The following CNTNAP2 variants were observed in gnomAD, a reference collection of about 807,000 sequenced individuals.
CNTNAP2 encodes contactin associated protein 2.
In CNTNAP2, 98 loss-of-function variants were observed where a neutral mutation model predicts 155.2. That is an observed-to-expected ratio of 0.63 (90% CI 0.54 to 0.75). CNTNAP2 has a LOEUF of 0.75. Ranked by LOEUF, CNTNAP2 falls within the 30% of genes least tolerant of loss-of-function variation. The pLI is 0.00. For missense variants in CNTNAP2, 1,727 were observed against 1,688.1 expected (o/e 1.02, Z -0.40); for synonymous variants, 651 against 631.2 (o/e 1.03, Z -0.47).
chr7:148,310,539 G>A (rs1021605684), intron 21 of CNTNAP2, among the ~76,000 whole-genome samples: 1 of 152,128 alleles, frequency 6.6e-6, no homozygotes, highest in Non-Finnish European at 1.5e-5. Flanking sequence ...GTCCTAAACC[G>A]ACAAGCAAGG....
At chr7:146,965,740 G>A (rs1797644978) in intron 3 of CNTNAP2, among the ~76,000 whole-genome samples, 1 of 152,166 alleles carries the variant, frequency 6.6e-6, no homozygotes, top group South Asian at 2.1e-4. Flanking sequence ...AAACCGTTAT[G>A]TAGTGCTTGA....
At chr7:147,018,523 T>C (rs1252584301) in intron 3 of CNTNAP2, among the ~76,000 whole-genome samples, 3 of 152,102 alleles carry the variant, frequency 2.0e-5, no homozygotes, top group Admixed American at 6.6e-5. Context: ...AAAGAATGAA[T>C]AGGTGAAAAT....
intron 19 of CNTNAP2, among the ~76,000 whole-genome samples, chr7:148,228,038 T>C (rs1169412315): frequency 6.6e-6 from 1 of 152,074 alleles, no homozygotes; most frequent in African/African-American, 2.4e-5. Context: ...ACTTTCTATG[T>C]TTTAATTAGC....
intron 1 of CNTNAP2, among the ~76,000 whole-genome samples, chr7:146,611,354 G>A (rs1393505725): frequency 3.3e-5 from 5 of 152,170 alleles, no homozygotes; most frequent in Non-Finnish European, 7.3e-5. Context: ...GCTTCCCAAA[G>A]TGCTGGGATT....
intron 3 of CNTNAP2, among the ~76,000 whole-genome samples, chr7:146,970,231 G>A (rs908080785): frequency 9.9e-5 from 15 of 152,224 alleles, no homozygotes; most frequent in Admixed American, 2.6e-4. Flanking sequence ...AAACCAAAGA[G>A]CTTCTGCACA....
intron 1 of CNTNAP2, among the ~76,000 whole-genome samples, chr7:146,313,172 C>A (rs1800854512): frequency 6.6e-6 from 1 of 152,220 alleles, no homozygotes; most frequent in African/African-American, 2.4e-5. Flanking sequence ...ACTTTCCCAT[C>A]AACAATGTAC....
chr7:148,149,478 G>A (rs1805257404), intron 17 of CNTNAP2, among the ~76,000 whole-genome samples: 1 of 152,148 alleles, frequency 6.6e-6, no homozygotes, highest in Non-Finnish European at 1.5e-5. Flanking sequence ...CACAAGAGGA[G>A]GAGGATTTGA....
intron 7 of CNTNAP2, among the ~76,000 whole-genome samples, chr7:147,129,896 A>C (rs1245527157): frequency 6.6e-6 from 1 of 152,164 alleles, no homozygotes; most frequent in Non-Finnish European, 1.5e-5. Context: ...ACTTTGGTTA[A>C]ATTTTCTCAT....
At chr7:146,229,696 T>A (rs974488344) in intron 1 of CNTNAP2, among the ~76,000 whole-genome samples, 1 of 149,080 alleles carries the variant, frequency 6.7e-6, no homozygotes, top group Non-Finnish European at 1.5e-5. Flanking sequence ...CTGCTCCAGT[T>A]TATTTTTCAG....
intron 3 of CNTNAP2, among the ~76,000 whole-genome samples, chr7:146,992,100 T>C (rs1798218993): frequency 6.6e-6 from 1 of 152,176 alleles, no homozygotes; most frequent in South Asian, 2.1e-4. Context: ...ATCAATATTA[T>C]GGAATGACTG....
chr7:146,462,842 T>C (rs1179169769), intron 1 of CNTNAP2, among the ~76,000 whole-genome samples: 1 of 152,186 alleles, frequency 6.6e-6, no homozygotes, highest in East Asian at 1.9e-4. Flanking sequence ...AGTTTGGGCG[T>C]CTCTCTCATC....
chr7:147,673,225 C>A (rs1215517221), intron 13 of CNTNAP2: 1 of 152,072 alleles, frequency 6.6e-6, no homozygotes. Flanking sequence ...GGCTCCTCTG[C>A]CACACTGCTG....
chr7:147,362,289 C>T (rs1247892054), intron 9 of CNTNAP2, among the ~76,000 whole-genome samples: 2 of 152,136 alleles, frequency 1.3e-5, no homozygotes, highest in African/African-American at 4.8e-5. Flanking sequence ...CATGCCACCA[C>T]ACCAGCTAAT....
At chr7:146,354,940 A>C (rs1290815675) in intron 1 of CNTNAP2, among the ~76,000 whole-genome samples, 1 of 152,170 alleles carries the variant, frequency 6.6e-6, no homozygotes, top group Non-Finnish European at 1.5e-5. Flanking sequence ...TGGCCAAAGG[A>C]TTGGCACTAG....
chr7:146,552,201 C>T (rs1798133205), intron 1 of CNTNAP2, among the ~76,000 whole-genome samples: 1 of 151,972 alleles, frequency 6.6e-6, no homozygotes, highest in Admixed American at 6.6e-5. Context: ...AAGTTTTCTT[C>T]CCACACGTCA....
intron 15 of CNTNAP2, among the ~76,000 whole-genome samples, chr7:148,025,156 G>C (rs1405627111): frequency 6.6e-6 from 1 of 152,210 alleles, no homozygotes; most frequent in East Asian, 1.9e-4. Context: ...ACCAGCTATT[G>C]TTCCAGAGGT....
chr7:147,622,146 A>T (rs1243622249), intron 12 of CNTNAP2, among the ~76,000 whole-genome samples: 1 of 151,992 alleles, frequency 6.6e-6, no homozygotes, highest in Non-Finnish European at 1.5e-5. Flanking sequence ...AGCAAATATT[A>T]TTAGAGCTAA....
intron 21 of CNTNAP2, among the ~76,000 whole-genome samples, chr7:148,334,577 T>C (rs1303625926): frequency 6.6e-6 from 1 of 152,148 alleles, no homozygotes; most frequent in Middle Eastern, 3.2e-3. Context: ...GTTCTGTAGC[T>C]ATGAGAAATA....
chr7:147,554,649 C>T (rs1363276212), intron 11 of CNTNAP2, among the ~76,000 whole-genome samples: 1 of 152,028 alleles, frequency 6.6e-6, no homozygotes, highest in African/African-American at 2.4e-5. Context: ...GGTAAATAAA[C>T]CCATTAGGGG....
Sources: gnomAD v4.1 joint callset for allele counts (sites outside exome capture counted in the v4.1 genomes callset) on GRCh38, gnomAD v4.1.1 for gene constraint, MANE v1.5 for transcripts, NCBI Gene and HGNC (gene_info 2026-07-23, HGNC 2026-07-21) for gene names.